CNTNAP2: variants seen among roughly 807,000 people sequenced by gnomAD.
The protein encoded by CNTNAP2 is contactin-associated protein-like 2.
A neutral mutation model predicts 155.2 loss-of-function variants in CNTNAP2; 98 were observed. That is an observed-to-expected ratio of 0.63 (90% CI 0.54 to 0.75). The LOEUF is 0.75. CNTNAP2 is among the 30% of genes least tolerant of loss of function. The pLI, the probability that CNTNAP2 is intolerant of heterozygous loss-of-function variation, is 0.00. For synonymous variants in CNTNAP2, 651 were observed against 631.2 expected, an observed-to-expected ratio of 1.03 and a Z score of -0.47; for missense variants, 1,727 against 1,688.1, an observed-to-expected ratio of 1.02 and a Z score of -0.40.
intron 1 of CNTNAP2, among the ~76,000 whole-genome samples, chr7:146,645,316 G>T (rs1367316293): frequency 6.6e-6 from 1 of 152,186 alleles, no homozygotes; most frequent in Non-Finnish European, 1.5e-5. Context: ...AGGTAGTGCA[G>T]ATAGAAGCAA....
chr7:147,119,819 G>C (rs1194897234), intron 5 of CNTNAP2, among the ~76,000 whole-genome samples: 1 of 152,020 alleles, frequency 6.6e-6, no homozygotes, highest in Non-Finnish European at 1.5e-5. Context: ...TAGTGTGACA[G>C]TCAATTGTTT....
At chr7:146,591,687 T>G (rs960559669) in intron 1 of CNTNAP2, among the ~76,000 whole-genome samples, 2 of 152,198 alleles carry the variant, frequency 1.3e-5, no homozygotes, top group Non-Finnish European at 2.9e-5. Context: ...ATGCAATATT[T>G]GTGATGAAGT....
intron 1 of CNTNAP2, among the ~76,000 whole-genome samples, chr7:146,206,314 G>A (rs575264989): frequency 3.2e-4 from 48 of 151,854 alleles, no homozygotes; most frequent in African/African-American, 1.1e-3. Flanking sequence ...ACTATGTTGT[G>A]CTTAATGAAA....
chr7:147,383,781 T>TA (rs1402912497), intron 9 of CNTNAP2, among the ~76,000 whole-genome samples: 5 of 151,604 alleles, frequency 3.3e-5, no homozygotes, highest in Non-Finnish European at 5.9e-5. Flanking sequence ...GAACTTAAAG[T>TA]AAAAAAATAA....
intron 10 of CNTNAP2, among the ~76,000 whole-genome samples, chr7:147,396,018 C>T (rs1307541815): frequency 6.8e-6 from 1 of 147,218 alleles, no homozygotes; most frequent in Admixed American, 6.8e-5. Flanking sequence ...CATATATATG[C>T]TATATATGAG....
intron 8 of CNTNAP2, among the ~76,000 whole-genome samples, chr7:147,293,160 G>T (rs368106851): frequency 1.0e-3 from 156 of 152,236 alleles, no homozygotes; most frequent in African/African-American, 3.5e-3. Flanking sequence ...CTATTCAAGT[G>T]ATTTTTCCAA....
Position 148,318,680 on chromosome 7 carries a change from C to T in CNTNAP2, c.3475+51554C>T, listed in dbSNP as rs568388042. 2.6e-5 allele frequency among the ~76,000 whole-genome samples: 4 copies of T among 152,286 alleles called. No individual in the cohort carries two copies. The East Asian group carries it at 7.7e-4, about 29-fold the overall frequency. On this transcript the variant is annotated intron_variant, in intron 21 of 23. Transcript: ENST00000361727. ...TGTAAATTGTAGGAACACTGTTAAC[C>T]TTTGCAAATGAGTTTCGTGGTCCGA...
intron 21 of CNTNAP2, among the ~76,000 whole-genome samples, chr7:148,336,705 A>T (rs1331401682): frequency 6.6e-6 from 1 of 152,230 alleles, no homozygotes; most frequent in Admixed American, 6.5e-5. Context: ...TATCAAAAAT[A>T]GACACATTCC....
chr7:146,380,373 G>A (rs540414123), intron 1 of CNTNAP2, among the ~76,000 whole-genome samples: 6 of 152,134 alleles, frequency 3.9e-5, no homozygotes, highest in South Asian at 2.1e-4. Flanking sequence ...AATGGAGATC[G>A]GTTAAATAAG....
intron 3 of CNTNAP2, among the ~76,000 whole-genome samples, chr7:146,976,833 G>A (rs182920413): frequency 8.5e-5 from 13 of 152,290 alleles, no homozygotes; most frequent in Admixed American, 7.8e-4. Context: ...CTGCTCTGTC[G>A]ATTCTTCTTG....
At chr7:146,263,090 G>A (rs1028091511) in intron 1 of CNTNAP2, among the ~76,000 whole-genome samples, 7 of 151,978 alleles carry the variant, frequency 4.6e-5, no homozygotes, top group East Asian at 1.9e-4. Context: ...AGGATGAGGC[G>A]GACAAATCAT....
intron 3 of CNTNAP2, among the ~76,000 whole-genome samples, chr7:146,840,514 T>A (rs531312441): frequency 1.3e-5 from 2 of 152,110 alleles, no homozygotes; most frequent in Admixed American, 6.5e-5. Flanking sequence ...AAAATTTAAG[T>A]GTTCTACTTT....
At position 147,195,147 on chromosome 7, in the gene CNTNAP2, G is replaced by A. The variant is rs138264144; in HGVS notation, c.1348+62638G>A. The stretch of plus-strand genomic sequence containing the variant: ...TTCGGTTTTCTGCATACAGCTAGCC[G>A]GTTTTCCCATTACCATTTACTGAAT... On this transcript the variant is annotated intron_variant, in intron 8 of 23. Coordinates refer to ENST00000361727, the MANE Select transcript of CNTNAP2 (RefSeq NM_014141.6). Among the ~76,000 whole-genome samples the A allele has an allele frequency of 4.8e-3, 729 of 152,108 alleles. 7 individuals are homozygous for A. The highest frequency in any genetic ancestry group is 0.017 in the African/African-American group (693 of 41,496).
intron 1 of CNTNAP2, among the ~76,000 whole-genome samples, chr7:146,602,994 G>A (rs1165883413): frequency 2.0e-5 from 3 of 150,680 alleles, no homozygotes; most frequent in African/African-American, 4.9e-5. Flanking sequence ...AGTGTGGCAA[G>A]ATACAATTAG....
intron 17 of CNTNAP2, among the ~76,000 whole-genome samples, chr7:148,165,496 T>C (rs1450754137): frequency 6.6e-6 from 1 of 152,228 alleles, no homozygotes; most frequent in East Asian, 1.9e-4. Context: ...ATTCCAACTA[T>C]GTGCTTCTAT....
intron 15 of CNTNAP2, among the ~76,000 whole-genome samples, chr7:148,055,487 A>G (rs1262144421): frequency 6.6e-6 from 1 of 152,108 alleles, no homozygotes; most frequent in African/African-American, 2.4e-5. Context: ...CAAATCTGTG[A>G]CCTCCAGAGA....
intron 11 of CNTNAP2, among the ~76,000 whole-genome samples, chr7:147,541,208 T>C (rs962776250): frequency 1.3e-5 from 2 of 152,190 alleles, no homozygotes; most frequent in Non-Finnish European, 2.9e-5. Context: ...AGCCATATGA[T>C]ATCTTTGACT....
Position 147,610,729 on chromosome 7 carries a change from C to A in CNTNAP2, c.1898-28377C>A, listed in dbSNP as rs528949727. ...AACGTCCTAAAACAGGAGCATCTGGCATGTTTGTTTGTTGGTTGGTTTGTT... is the reference window on the plus strand; with the variant it reads ...AACGTCCTAAAACAGGAGCATCTGGAATGTTTGTTTGTTGGTTGGTTTGTT... On this transcript the variant is annotated intron_variant, in intron 12 of 23. Coordinates refer to ENST00000361727, the MANE Select transcript of CNTNAP2 (RefSeq NM_014141.6). Among the ~76,000 whole-genome samples the A allele has an allele frequency of 1.6e-3, 243 of 152,074 alleles. 1 individual carries two copies. The highest frequency in any genetic ancestry group is 5.6e-3 in the African/African-American group (234 of 41,492).
At chr7:146,463,235 G>A (rs1467627054) in intron 1 of CNTNAP2, among the ~76,000 whole-genome samples, 2 of 152,122 alleles carry the variant, frequency 1.3e-5, no homozygotes, top group African/African-American at 4.8e-5. Context: ...TCTATTCTAT[G>A]TTTCCTCAAG....
Sources: allele counts gnomAD v4.1 joint callset (sites outside exome capture counted in the v4.1 genomes callset), GRCh38; gene constraint gnomAD v4.1.1; transcripts MANE v1.5; gene names NCBI Gene and HGNC (gene_info 2026-07-23, HGNC 2026-07-21).